SV2B: variants seen among roughly 807,000 people sequenced by gnomAD.
SV2B encodes solute carrier family 22 member B2.
A neutral mutation model predicts 73.9 loss-of-function variants in SV2B; 41 were observed. That is an observed-to-expected ratio of 0.56 (90% CI 0.43 to 0.72). The LOEUF (loss-of-function observed/expected upper bound fraction) is 0.72, where lower values mean the gene tolerates loss of function less well. SV2B is among the 30% of genes least tolerant of loss of function. The pLI is 0.00. For missense variants in SV2B, 764 were observed against 857.8 expected (o/e 0.89, Z 1.37); for synonymous variants, 314 against 314.2 (o/e 1.00, Z 0.01).
At chr15:91,194,410 A>G (rs1365834938) in intron 1 of SV2B, among the ~76,000 whole-genome samples, 1 of 152,194 alleles carries the variant, frequency 6.6e-6, no homozygotes, top group Non-Finnish European at 1.5e-5. Context: ...GTTTGGAGCA[A>G]TGATGAATCA....
At chr15:91,195,387 TG>T (rs1196934409) in intron 1 of SV2B, among the ~76,000 whole-genome samples, 3 of 152,194 alleles carry the variant, frequency 2.0e-5, no homozygotes, top group Non-Finnish European at 4.4e-5. Flanking sequence ...CTTGAACTTC[TG>T]GCCTCAAGTG....
Position 91,284,297 on chromosome 15 carries a change from T to A in SV2B, c.1708+76T>A, listed in dbSNP as rs1230815995. 5 of 1,494,950 alleles carry A rather than the reference T, an allele frequency of 3.3e-6. No individual in the cohort carries two copies. Among genetic ancestry groups the A allele is most frequent in the Non-Finnish European group, 4.6e-6 (5 of 1,086,066 alleles). 92.6% of individuals were successfully genotyped at this position (1,494,950 alleles called of 1,614,324 possible). A position where few individuals can be genotyped will look rare whatever the true frequency, so the allele number is the denominator to read the frequency against. On this transcript the variant is annotated intron_variant, in intron 11 of 12. Transcript: ENST00000394232. This position sits in a 1 kb window ranked among gnomAD's most constrained non-coding sequence, Gnocchi z 4.5. ...CTTTCAAGTGTATTAAACAGGGAAA[T>A]TTTCCCTTTTATTAAATAATTCTTG...
chr15:91,149,784 A>G (rs192304864), intron 1 of SV2B, among the ~76,000 whole-genome samples: 19 of 152,318 alleles, frequency 1.2e-4, no homozygotes, highest in Admixed American at 1.2e-3. Flanking sequence ...AACCCAGGGA[A>G]GCCTGACAAT....
chr15:91,147,735 A>G (rs2043186218), intron 1 of SV2B, among the ~76,000 whole-genome samples: 1 of 152,108 alleles, frequency 6.6e-6, no homozygotes, highest in Admixed American at 6.6e-5. Context: ...GAATCCGGGA[A>G]GGGAGAGTTA....
intron 1 of SV2B, among the ~76,000 whole-genome samples, chr15:91,175,496 C>T (rs7165426): frequency 0.37 from 55,672 of 151,818 alleles, 11,470 homozygotes; most frequent in African/African-American, 0.53. Flanking sequence ...CCTCGTGATC[C>T]GCCAGCCTCA....
chr15:91,189,038 C>T (rs1005458173), intron 1 of SV2B, among the ~76,000 whole-genome samples: 2 of 151,972 alleles, frequency 1.3e-5, no homozygotes, highest in African/African-American at 2.4e-5. Flanking sequence ...GTTGGTCAGG[C>T]GGGTCTCAAA....
intron 1 of SV2B, among the ~76,000 whole-genome samples, chr15:91,166,652 A>G (rs2043922461): frequency 6.6e-6 from 1 of 151,926 alleles, no homozygotes; most frequent in South Asian, 2.1e-4. Flanking sequence ...CTCAATTTTT[A>G]TATCCTCTAT....
chr15:91,284,266 T>TGG lies in SV2B; in HGVS notation c.1708+46_1708+47dup, dbSNP rs1567433477. Reference sequence around the variant, plus strand: ...ATTCCTGGGTTCCAACGCGCTGGGGTGGTGACTTTCAAGTGTATTAAACAG... The same window carrying TGG: ...ATTCCTGGGTTCCAACGCGCTGGGGTGGGGTGACTTTCAAGTGTATTAAACAG... On this transcript the variant is annotated intron_variant, in intron 11 of 12. Coordinates refer to ENST00000394232, the MANE Select transcript of SV2B (RefSeq NM_001323032.3). The surrounding 1 kb of genome is among the most constrained non-coding windows in gnomAD (Gnocchi z 4.5). The TGG allele has an allele frequency of 1.2e-6, 2 of 1,601,000 alleles. No individual in the cohort carries two copies. The highest frequency in any genetic ancestry group is 1.7e-6 in the Non-Finnish European group (2 of 1,169,314).
intron 1 of SV2B, among the ~76,000 whole-genome samples, chr15:91,135,071 C>G (rs985724928): frequency 5.3e-5 from 8 of 150,896 alleles, no homozygotes; most frequent in African/African-American, 1.7e-4. Context: ...GTGATCATTG[C>G]TCACTGCAGC....
At chr15:91,113,506 T>C (rs116728118) in intron 1 of SV2B, among the ~76,000 whole-genome samples, 1,676 of 152,328 alleles carry the variant, frequency 0.011, 31 homozygotes, top group African/African-American at 0.038. Context: ...GGCATGTTTC[T>C]TGATAACATA....
rs963824995 is a variant in SV2B at position 91,265,190 on chromosome 15, C to T, written c.1009-1392C>T. ...TGTATTCAGTGGCCTGGAGGGAGAG[C>T]TTAGGGCAGTCACACTCTTAGTTGA... On this transcript the variant is annotated intron_variant, in intron 6 of 12. Transcript: ENST00000394232. This position sits in a 1 kb window ranked among gnomAD's most constrained non-coding sequence, Gnocchi z 4.2. Among the ~76,000 whole-genome samples the T allele has an allele frequency of 5.3e-5, 8 of 152,128 alleles. No homozygotes were observed. The highest frequency in any genetic ancestry group is 1.9e-4 in the African/African-American group (8 of 41,414).
At chr15:91,131,846 C>T (rs2042662950) in intron 1 of SV2B, among the ~76,000 whole-genome samples, 1 of 152,048 alleles carries the variant, frequency 6.6e-6, no homozygotes, top group Non-Finnish European at 1.5e-5. Flanking sequence ...GCCTGTAATC[C>T]CAGCTACTCA....
intron 1 of SV2B, among the ~76,000 whole-genome samples, chr15:91,179,776 C>T (rs2044473842): frequency 6.6e-6 from 1 of 152,112 alleles, no homozygotes; most frequent in African/African-American, 2.4e-5. Context: ...TATTTTGAGC[C>T]TATGTGTGTC....
chr15:91,260,238 G>A (rs1370018344), intron 5 of SV2B, 82 bp from the exon 6 acceptor site: 22 of 1,248,992 alleles, frequency 1.8e-5, no homozygotes, highest in Non-Finnish European at 2.2e-5. Context: ...TTCCCATTGA[G>A]TTTGTAGGAT....
chr15:91,215,425 CTG>C (rs2045991802), intron 1 of SV2B, among the ~76,000 whole-genome samples: 1 of 152,132 alleles, frequency 6.6e-6, no homozygotes, highest in South Asian at 2.1e-4. Context: ...TGATTCTCTC[CTG>C]CAGGTGGTTT....
At chr15:91,120,371 G>GTTCT (rs1348210744) in intron 1 of SV2B, among the ~76,000 whole-genome samples, 12 of 152,316 alleles carry the variant, frequency 7.9e-5, no homozygotes, top group African/African-American at 2.9e-4. Flanking sequence ...CGTGAAAACA[G>GTTCT]CATGGGGAAA....
At chr15:91,117,253 C>T (rs1206059069) in intron 1 of SV2B, among the ~76,000 whole-genome samples, 2 of 152,148 alleles carry the variant, frequency 1.3e-5, no homozygotes, top group Non-Finnish European at 2.9e-5. Flanking sequence ...TTCTCTGCAC[C>T]TCAGTTTCCT....
chr15:91,128,409 CACCCCGCA>C lies in SV2B; in HGVS notation c.-392+28048_-392+28055del, dbSNP rs1438384929. ...CAGGTACTTACCCAGGGTCTGATTC[CACCCCGCA>C]AACCCTCACCTGGCTGAATATGAGA... On this transcript the variant is annotated intron_variant, in intron 1 of 12. Transcript: ENST00000394232. The surrounding 1 kb of genome is among the most constrained non-coding windows in gnomAD (Gnocchi z 4.2). 6.6e-6 allele frequency among the ~76,000 whole-genome samples: 1 copy of C among 152,122 alleles called. No individual in the cohort carries two copies. Among genetic ancestry groups the C allele is most frequent in the Non-Finnish European group, 1.5e-5 (1 of 68,016 alleles).
intron 1 of SV2B, among the ~76,000 whole-genome samples, chr15:91,138,446 A>T (rs750212422): frequency 5.3e-5 from 8 of 152,216 alleles, no homozygotes; most frequent in Non-Finnish European, 1.0e-4. Context: ...GACACAGGGG[A>T]CAGAATAACA....
Sources: gnomAD v4.1 joint callset for allele counts (sites outside exome capture counted in the v4.1 genomes callset) on GRCh38, gnomAD v4.1.1 for gene constraint, Gnocchi (gnomAD v3.1) non-coding constraint, MANE v1.5 for transcripts, NCBI Gene and HGNC (gene_info 2026-07-23, HGNC 2026-07-21) for gene names.